CAMTA1: variants seen among roughly 807,000 people sequenced by gnomAD.
CAMTA1 encodes calmodulin-binding transcription activator 1.
A neutral mutation model predicts 170.9 loss-of-function variants in CAMTA1; 27 were observed. That is an observed-to-expected ratio of 0.16 (90% confidence interval 0.12 to 0.22). The LOEUF (loss-of-function observed/expected upper bound fraction) is 0.22. CAMTA1 is among the 10% of genes least tolerant of loss of function. The pLI is 1.00. For synonymous variants in CAMTA1, 833 were observed against 891.5 expected, an observed-to-expected ratio of 0.93 and a Z score of 1.17; for missense variants, 1,619 against 2,217.2, an observed-to-expected ratio of 0.73 and a Z score of 5.42.
At chr1:6,928,399 T>A (rs945028390) in intron 3 of CAMTA1, among the ~76,000 whole-genome samples, 1 of 152,168 alleles carries the variant, frequency 6.6e-6, no homozygotes, top group African/African-American at 2.4e-5. Flanking sequence ...GGGTGTTCAG[T>A]GCCTTTGTGT....
intron 3 of CAMTA1, among the ~76,000 whole-genome samples, chr1:6,826,534 A>G (rs1228832275): frequency 6.6e-6 from 1 of 152,242 alleles, no homozygotes; most frequent in East Asian, 1.9e-4. Flanking sequence ...AATAAGTCGG[A>G]ACTTGATTAT....
rs1292310094 is a variant in CAMTA1 at position 7,745,004 on chromosome 1, C to G, written c.4352C>G (p.Pro1451Arg). The G allele has an allele frequency of 1.2e-6, 2 of 1,613,180 alleles. No homozygotes were observed. Among genetic ancestry groups the G allele is most frequent in the Admixed American group, 1.7e-5 (1 of 59,910 alleles). The change falls in exon 17 of 23, where the codon CCC becomes CGC. Residue 1451 changes from proline to arginine, a missense_variant. Physicochemically the swap from Pro to Arg is moderately radical, Grantham distance 103. Around this residue, in one of 8 missense-constraint regions of CAMTA1, gnomAD observed 370 missense variants for 429.4 expected, o/e 0.86. Coordinates refer to ENST00000303635, the MANE Select transcript of CAMTA1 (RefSeq NM_015215.4). ...ASYLADADCL[P>R]SAAQIRSAYN... ...TATCTAGCGGATGCTGACTGCCTTC[C>G]CAGTGCTGCCCAGATCCGGTGAGTA...
At chr1:7,107,027 C>T (rs1015831425) in intron 4 of CAMTA1, among the ~76,000 whole-genome samples, 4 of 151,854 alleles carry the variant, frequency 2.6e-5, no homozygotes, top group Admixed American at 2.6e-4. Flanking sequence ...TGTCAGATGG[C>T]AGGTGGGGTG....
At chr1:7,312,698 A>C (rs1676917012) in intron 5 of CAMTA1, among the ~76,000 whole-genome samples, 1 of 152,126 alleles carries the variant, frequency 6.6e-6, no homozygotes, top group South Asian at 2.1e-4. Context: ...GACTTTCAGC[A>C]GGGTTTGTTC....
intron 16 of CAMTA1, among the ~76,000 whole-genome samples, chr1:7,741,906 G>A (rs2150056924): frequency 6.6e-6 from 1 of 151,208 alleles, no homozygotes; most frequent in Non-Finnish European, 1.5e-5. Flanking sequence ...CAAAGTGCTG[G>A]GATTACAGGT....
At chr1:6,982,515 G>A (rs935636336) in intron 3 of CAMTA1, among the ~76,000 whole-genome samples, 1 of 152,128 alleles carries the variant, frequency 6.6e-6, no homozygotes, top group African/African-American at 2.4e-5. Flanking sequence ...TTATGGGGGT[G>A]GGTGGCACAG....
At chr1:7,116,346 C>T (rs570484612) in intron 4 of CAMTA1, among the ~76,000 whole-genome samples, 7 of 152,292 alleles carry the variant, frequency 4.6e-5, no homozygotes, top group South Asian at 4.2e-4. Flanking sequence ...ACCAATCTTT[C>T]GAGGCAGGGC....
chr1:7,271,538 G>A (rs569548901), intron 5 of CAMTA1, among the ~76,000 whole-genome samples: 2 of 149,610 alleles, frequency 1.3e-5, no homozygotes, highest in South Asian at 4.3e-4. Flanking sequence ...CAACAAAACT[G>A]GTAAACTGTT....
chr1:6,928,034 C>T (rs1484823775), intron 3 of CAMTA1, among the ~76,000 whole-genome samples: 1 of 152,194 alleles, frequency 6.6e-6, no homozygotes, highest in Non-Finnish European at 1.5e-5. Context: ...GCTCCACTCT[C>T]TCCGCTCCCC....
At position 7,456,259 on chromosome 1, in the gene CAMTA1, AG is replaced by A. The variant is rs1353540548; in HGVS notation, c.439-11565del. Among the ~76,000 whole-genome samples the A allele has an allele frequency of 2.6e-5, 3 of 113,722 alleles. No individual in the cohort carries two copies. The highest frequency in any genetic ancestry group is 9.9e-5 in the African/African-American group (3 of 30,250). The allele number at this position is 113,722 out of a possible 152,430, so 74.6% of individuals were successfully genotyped here. A position where few individuals can be genotyped will look rare whatever the true frequency, so the allele number is the denominator to read the frequency against. ...GAAGGAGGGAGGGAGGAAGGGAGGA[AG>A]GGGGGCAGGGAGGCAAGAAGAATGG... is the stretch of plus-strand genomic sequence containing the variant. On this transcript the variant is annotated intron_variant, in intron 5 of 22. Coordinates refer to ENST00000303635, the MANE Select transcript of CAMTA1 (RefSeq NM_015215.4). The surrounding 1 kb of genome is among the most constrained non-coding windows in gnomAD (Gnocchi z 4.9).
intron 5 of CAMTA1, among the ~76,000 whole-genome samples, chr1:7,407,059 G>T (rs1412423915): frequency 1.3e-5 from 2 of 152,206 alleles, no homozygotes; most frequent in Non-Finnish European, 2.9e-5. Flanking sequence ...CACTTAGTGC[G>T]AGAGACATCA....
chr1:7,418,767 C>T (rs1344764451), intron 5 of CAMTA1, among the ~76,000 whole-genome samples: 1 of 152,258 alleles, frequency 6.6e-6, no homozygotes, highest in African/African-American at 2.4e-5. Context: ...TCCTTCCAAG[C>T]TCTCTGGGCA....
chr1:7,487,146 C>A (rs1044103171), intron 6 of CAMTA1, among the ~76,000 whole-genome samples: 1 of 152,176 alleles, frequency 6.6e-6, no homozygotes, highest in African/African-American at 2.4e-5. Context: ...GGTCTGTCTC[C>A]CATCTATGCG....
At position 7,041,502 on chromosome 1, in the gene CAMTA1, CGTT is replaced by C. The variant is rs576535042; in HGVS notation, c.235-49801_235-49799del. On this transcript the variant is annotated intron_variant, in intron 3 of 22. Coordinates refer to ENST00000303635, the MANE Select transcript of CAMTA1 (RefSeq NM_015215.4). The surrounding 1 kb of genome is among the most constrained non-coding windows in gnomAD (Gnocchi z 5.1). ...TATCTGATTTTGCATTGAACTGTGT[CGTT>C]ATGTGGGGCTGAGAAACTCTTACGA... 1.3e-5 allele frequency among the ~76,000 whole-genome samples: 2 copies of C among 152,176 alleles called. No individual in the cohort carries two copies. Among genetic ancestry groups the C allele is most frequent in the South Asian group, 2.1e-4 (1 of 4,824 alleles).
chr1:7,387,373 G>A (rs373356082), intron 5 of CAMTA1, among the ~76,000 whole-genome samples: 4 of 152,108 alleles, frequency 2.6e-5, no homozygotes, highest in East Asian at 3.9e-4. Context: ...GTTTCTGCTC[G>A]CCCTTCACTT....
chr1:7,233,707 A>G (rs191389146), intron 4 of CAMTA1, among the ~76,000 whole-genome samples: 7 of 152,206 alleles, frequency 4.6e-5, no homozygotes, highest in Middle Eastern at 3.4e-3. Context: ...AGTTGCTTCC[A>G]TGGCCTCGAG....
At chr1:7,270,042 T>C (rs973610391) in intron 5 of CAMTA1, among the ~76,000 whole-genome samples, 1 of 151,936 alleles carries the variant, frequency 6.6e-6, no homozygotes, top group East Asian at 1.9e-4. Context: ...CATCTTTAAA[T>C]TGCTAAAAGG....
rs1000902919 is a variant in CAMTA1 at position 7,224,895 on chromosome 1, C to T, written c.303-24596C>T. Among the ~76,000 whole-genome samples the T allele has an allele frequency of 2.0e-5, 3 of 152,190 alleles. No individual in the cohort carries two copies. The highest frequency in any genetic ancestry group is 4.4e-5 in the Non-Finnish European group (3 of 68,018). Reference sequence around the variant, plus strand: ...CATGGGCTGCTGCCCTGATGAGTCTCGGGTCACATGAGCTGCATCCTTATT... The same window carrying T: ...CATGGGCTGCTGCCCTGATGAGTCTTGGGTCACATGAGCTGCATCCTTATT... On this transcript the variant is annotated intron_variant, in intron 4 of 22. Coordinates refer to ENST00000303635, the MANE Select transcript of CAMTA1 (RefSeq NM_015215.4). The surrounding 1 kb of genome is among the most constrained non-coding windows in gnomAD (Gnocchi z 5.2).
chr1:7,676,414 G>A (rs2096121244), intron 10 of CAMTA1, among the ~76,000 whole-genome samples: 2 of 152,226 alleles, frequency 1.3e-5, no homozygotes, highest in Admixed American at 1.3e-4. Flanking sequence ...TGGCAAGATG[G>A]CTGCTGCCTT....
Sources: gnomAD v4.1 joint callset for allele counts (sites outside exome capture counted in the v4.1 genomes callset) on GRCh38, gnomAD v4.1.1 for gene constraint, gnomAD v4.1.1 regional missense constraint, Gnocchi (gnomAD v3.1) non-coding constraint, MANE v1.5 for transcripts, NCBI Gene and HGNC (gene_info 2026-07-23, HGNC 2026-07-21) for gene names.